The following ASTN1 variants were observed in gnomAD, a reference collection of about 807,000 sequenced individuals.
ASTN1 encodes astrotactin-1.
Under a neutral mutation model 140.7 loss-of-function variants are expected in ASTN1, and 41 were observed. The observed-to-expected ratio is 0.29, with a 90% CI of 0.23 to 0.38. The LOEUF is 0.38. Ranked by LOEUF, ASTN1 falls within the 10% of genes least tolerant of loss-of-function variation. ASTN1 has a pLI of 1.00. For missense variants in ASTN1, 1,479 were observed against 1,678.8 expected (o/e 0.88, Z 2.08); for synonymous variants, 640 against 652.2 (o/e 0.98, Z 0.29).
At position 177,024,721 on chromosome 1, in the gene ASTN1, G is replaced by A. The variant is rs1676015794; in HGVS notation, c.1132C>T (p.Arg378Ter). Reference protein sequence around the residue: ...SRRRSRVGSPRSPVNKTTLTL... With the variant: ...SRRRSRVGSP ...AAGGTGGTCTTATTCACAGGACTTC[G>A]GGGAGAACCCACTGAAAGTGAGACA... The change falls in exon 6 of 23, where the codon CGA becomes TGA. Residue 378 changes from arginine to a stop codon, truncating the protein, a stop_gained. Coordinates refer to ENST00000361833, the MANE Select transcript of ASTN1 (RefSeq NM_004319.3). LOFTEE classifies it high-confidence loss of function. 5 of 1,613,602 alleles carry A rather than the reference G, an allele frequency of 3.1e-6. No individual in the cohort carries two copies. Among genetic ancestry groups the A allele is most frequent in the South Asian group, 1.1e-5 (1 of 91,032 alleles).
intron 13 of ASTN1, among the ~76,000 whole-genome samples, 192 bp from the exon 14 acceptor site, chr1:176,944,210 G>A (rs563042880): frequency 6.6e-6 from 1 of 152,144 alleles, no homozygotes; most frequent in Non-Finnish European, 1.5e-5. Flanking sequence ...CCTGAGTGCT[G>A]GGATTACAGG....
At chr1:177,122,337 C>G (rs1450761166) in intron 1 of ASTN1, among the ~76,000 whole-genome samples, 1 of 152,066 alleles carries the variant, frequency 6.6e-6, no homozygotes, top group Non-Finnish European at 1.5e-5. Context: ...AAAACAAAAC[C>G]CAGAGAGTAG....
chr1:176,924,285 A>G (rs935607454), intron 16 of ASTN1, among the ~76,000 whole-genome samples: 5 of 152,172 alleles, frequency 3.3e-5, no homozygotes, highest in African/African-American at 1.2e-4. Context: ...GAATTCAGAA[A>G]ACAATTGTCA....
chr1:177,046,565 C>A (rs930962629), intron 2 of ASTN1, among the ~76,000 whole-genome samples: 1 of 152,160 alleles, frequency 6.6e-6, no homozygotes, highest in Admixed American at 6.5e-5. Flanking sequence ...GTGGTCCCAT[C>A]CCACCCTTTA....
chr1:176,886,438 A>C (rs986570125), intron 18 of ASTN1, among the ~76,000 whole-genome samples: 3 of 152,248 alleles, frequency 2.0e-5, no homozygotes, highest in Non-Finnish European at 4.4e-5. Context: ...GTGTAACAGC[A>C]GCAGTTCTCC....
chr1:177,106,728 A>G (rs187368090), intron 1 of ASTN1, among the ~76,000 whole-genome samples: 38 of 152,310 alleles, frequency 2.5e-4, no homozygotes, highest in African/African-American at 7.5e-4. Context: ...TCAACAAAGC[A>G]TCATCAGCTT....
intron 17 of ASTN1, among the ~76,000 whole-genome samples, chr1:176,892,367 G>T (rs1669304744): frequency 6.6e-6 from 1 of 152,012 alleles, no homozygotes; most frequent in Non-Finnish European, 1.5e-5. Flanking sequence ...TTGTGATGGG[G>T]GTATCATAAA....
chr1:177,036,857 T>C (rs1676743224), intron 2 of ASTN1, among the ~76,000 whole-genome samples: 1 of 152,124 alleles, frequency 6.6e-6, no homozygotes, highest in African/African-American at 2.4e-5. Flanking sequence ...TCTCACTCTG[T>C]CACCCAGGCT....
chr1:176,895,023 C>T (rs553963247), intron 16 of ASTN1, among the ~76,000 whole-genome samples, 193 bp from the exon 17 acceptor site: 2 of 152,296 alleles, frequency 1.3e-5, no homozygotes, highest in East Asian at 3.9e-4. Flanking sequence ...TTGGAAATGG[C>T]CCTTTTCAGT....
chr1:177,090,822 C>T (rs115532493), intron 1 of ASTN1, among the ~76,000 whole-genome samples: 3,443 of 152,162 alleles, frequency 0.023, 71 homozygotes, highest in Non-Finnish European at 0.038. Flanking sequence ...ACTCCCAAGG[C>T]TCCCACATTT....
chr1:176,866,432 A>T (rs1009081110), intron 22 of ASTN1, among the ~76,000 whole-genome samples: 2 of 152,156 alleles, frequency 1.3e-5, no homozygotes, highest in Non-Finnish European at 2.9e-5. Context: ...AAAAGTTGTC[A>T]TCAACAAGAA....
chr1:176,875,918 G>T (rs943903195), intron 21 of ASTN1, among the ~76,000 whole-genome samples: 1 of 152,278 alleles, frequency 6.6e-6, no homozygotes, highest in South Asian at 2.1e-4. Flanking sequence ...AGACCAGCCC[G>T]GTATTGTCAT....
chr1:176,980,520 C>A (rs1465822416), intron 8 of ASTN1, among the ~76,000 whole-genome samples: 2 of 152,122 alleles, frequency 1.3e-5, no homozygotes, highest in African/African-American at 4.8e-5. Context: ...ACACAGAAAA[C>A]CAATGCAAGG....
At chr1:177,115,165 C>T (rs532915641) in intron 1 of ASTN1, among the ~76,000 whole-genome samples, 1 of 152,094 alleles carries the variant, frequency 6.6e-6, no homozygotes, top group Non-Finnish European at 1.5e-5. Context: ...ATCAGATAAA[C>T]AGTTGTGATT....
intron 16 of ASTN1, among the ~76,000 whole-genome samples, chr1:176,925,363 G>A (rs1670911152): frequency 6.6e-6 from 1 of 152,126 alleles, no homozygotes; most frequent in Non-Finnish European, 1.5e-5. Flanking sequence ...ACAAAATGTG[G>A]TCTTGGAACT....
intron 11 of ASTN1, among the ~76,000 whole-genome samples, chr1:176,955,875 GGT>G (rs754449983): frequency 1.8e-4 from 27 of 152,356 alleles, no homozygotes; most frequent in Middle Eastern, 3.4e-3. Flanking sequence ...TAGGGAAGGA[GGT>G]GCACATATGA....
intron 5 of ASTN1, among the ~76,000 whole-genome samples, chr1:177,028,690 T>C (rs943416820): frequency 1.3e-5 from 2 of 152,198 alleles, no homozygotes; most frequent in Non-Finnish European, 2.9e-5. Flanking sequence ...ACTGTATAAA[T>C]ATGGGGCTGC....
downstream of ASTN1, among the ~76,000 whole-genome samples, chr1:176,859,409 G>A (rs1667897534): frequency 3.3e-5 from 5 of 152,294 alleles, no homozygotes; most frequent in Middle Eastern, 3.4e-3. Flanking sequence ...GTGAATTCAT[G>A]CCCAGGGCAG....
At chr1:177,063,107 G>A (rs888536543) in intron 1 of ASTN1, among the ~76,000 whole-genome samples, 6 of 152,174 alleles carry the variant, frequency 3.9e-5, no homozygotes, top group African/African-American at 1.4e-4. Context: ...AGGGGAATAA[G>A]GATGAGGAAA....
Sources: gnomAD v4.1 joint callset for allele counts (sites outside exome capture counted in the v4.1 genomes callset) on GRCh38, gnomAD v4.1.1 for gene constraint, MANE v1.5 for transcripts, NCBI Gene and HGNC (gene_info 2026-07-23, HGNC 2026-07-21) for gene names.